The following RGS7 variants were observed in gnomAD, a reference collection of about 807,000 sequenced individuals.
RGS7 encodes the protein regulator of G protein signaling 7, also known as regulator of G-protein signaling 7.
A neutral mutation model predicts 81.1 loss-of-function variants in RGS7; 27 were observed. That is an observed-to-expected ratio of 0.33 (90% CI 0.25 to 0.46). RGS7 has a LOEUF of 0.46. RGS7 is among the 20% of genes least tolerant of loss of function. RGS7 has a pLI of 1.00. For missense variants in RGS7, 396 were observed against 607.4 expected, an observed-to-expected ratio of 0.65 and a Z score of 3.66; for synonymous variants, 208 against 207.7, an observed-to-expected ratio of 1.00 and a Z score of -0.01.
chr1:241,122,305 C>A (rs1405097914), intron 2 of RGS7, among the ~76,000 whole-genome samples: 1 of 152,124 alleles, frequency 6.6e-6, no homozygotes, highest in Admixed American at 6.5e-5. Context: ...ACCACAGATA[C>A]CACAGGGTTA....
intron 2 of RGS7, among the ~76,000 whole-genome samples, chr1:241,129,840 G>T (rs2066949294): frequency 1.3e-5 from 2 of 152,050 alleles, no homozygotes; most frequent in African/African-American, 4.8e-5. Context: ...AAAGCACGTG[G>T]GAGCATCTTA....
chr1:241,235,739 TTCTC>T (rs139518825), intron 2 of RGS7, among the ~76,000 whole-genome samples: 13 of 148,600 alleles, frequency 8.7e-5, no homozygotes, highest in South Asian at 4.3e-4. Context: ...TTCCTTCTCT[TTCTC>T]TCTCTCTCTC....
chr1:240,823,750 G>A (rs1357702975), intron 10 of RGS7, among the ~76,000 whole-genome samples: 2 of 152,062 alleles, frequency 1.3e-5, no homozygotes, highest in Admixed American at 6.5e-5. Context: ...TTTTGAACTC[G>A]CCAAGCCTCA....
At chr1:240,938,719 T>TA (rs1388549522) in intron 4 of RGS7, among the ~76,000 whole-genome samples, 3 of 152,188 alleles carry the variant, frequency 2.0e-5, no homozygotes, top group African/African-American at 7.2e-5. Context: ...GGAAGACTGT[T>TA]ACTAACTGCT....
chr1:241,315,962 A>AT (rs1168827758), intron 2 of RGS7, among the ~76,000 whole-genome samples: 2 of 152,056 alleles, frequency 1.3e-5, no homozygotes, highest in Admixed American at 6.6e-5. Flanking sequence ...TGACTGTGTG[A>AT]TTTTTTTCCT....
At chr1:240,931,902 T>C (rs1675503706) in intron 5 of RGS7, among the ~76,000 whole-genome samples, 1 of 152,174 alleles carries the variant, frequency 6.6e-6, no homozygotes, top group Non-Finnish European at 1.5e-5. Flanking sequence ...CGAAGAAACC[T>C]GATGATCACC....
chr1:241,300,070 A>G (rs113779781), intron 2 of RGS7, among the ~76,000 whole-genome samples: 3,140 of 151,768 alleles, frequency 0.021, 124 homozygotes, highest in African/African-American at 0.072. Context: ...AGCCGTGATC[A>G]CGCCACTGCA....
Position 241,014,440 on chromosome 1 carries a change from A to G in RGS7, c.176-31311T>C, listed in dbSNP as rs989738589. The stretch of plus-strand genomic sequence containing the variant: ...TAAAGGCCAAATTTTAAACATTAAT[A>G]GTTCAGACAGCACTTCACCAGTTTT... On this transcript the variant is annotated intron_variant, in intron 3 of 18. Transcript: ENST00000440928. 3.9e-5 allele frequency among the ~76,000 whole-genome samples: 6 copies of G among 152,264 alleles called. No individual in the cohort carries two copies. In the South Asian group the frequency reaches 1.2e-3, roughly 31 times the overall value.
At chr1:241,288,626 G>A (rs1488558109) in intron 2 of RGS7, among the ~76,000 whole-genome samples, 1 of 152,118 alleles carries the variant, frequency 6.6e-6, no homozygotes, top group Non-Finnish European at 1.5e-5. Context: ...CAGAGCCCAC[G>A]GTTATCTGTC....
intron 3 of RGS7, among the ~76,000 whole-genome samples, chr1:241,050,072 G>C (rs2061165481): frequency 6.6e-6 from 1 of 152,104 alleles, no homozygotes; most frequent in African/African-American, 2.4e-5. Flanking sequence ...CATAGCTAAG[G>C]GGCTGTGTCC....
intron 2 of RGS7, among the ~76,000 whole-genome samples, chr1:241,182,539 T>G: frequency 6.6e-6 from 1 of 152,184 alleles, no homozygotes. Flanking sequence ...GCTACTATTC[T>G]GACCTGGGTA....
At chr1:241,176,101 C>T in intron 2 of RGS7, among the ~76,000 whole-genome samples, 1 of 152,174 alleles carries the variant, frequency 6.6e-6, no homozygotes, top group East Asian at 1.9e-4. Flanking sequence ...CTTAAGTCAA[C>T]TGGCTAATCT....
intron 18 of RGS7, 73 bp from the exon 19 acceptor site, chr1:240,776,286 C>T: frequency 9.3e-7 from 1 of 1,076,610 alleles, no homozygotes. Context: ...TTAGTAGTAG[C>T]AACTATTTAC....
intron 15 of RGS7, among the ~76,000 whole-genome samples, chr1:240,803,910 T>C (rs2103061999): frequency 6.6e-6 from 1 of 152,222 alleles, no homozygotes; most frequent in African/African-American, 2.4e-5. Context: ...TCCAGTTCTC[T>C]GGTCTTAAAC....
intron 18 of RGS7, among the ~76,000 whole-genome samples, chr1:240,791,826 A>G (rs1686061660): frequency 6.6e-6 from 1 of 152,190 alleles, no homozygotes; most frequent in Non-Finnish European, 1.5e-5. Flanking sequence ...TTTTTCCTAG[A>G]TACTTAAAAC....
chr1:240,875,047 C>CA (rs1343381162), intron 6 of RGS7, among the ~76,000 whole-genome samples: 1 of 149,626 alleles, frequency 6.7e-6, no homozygotes, highest in Non-Finnish European at 1.5e-5. Context: ...CATCTCAAAA[C>CA]AAAAAACAAA....
chr1:240,861,709 G>A lies in RGS7; in HGVS notation c.609+6878C>T, dbSNP rs376359179. Among the ~76,000 whole-genome samples, 8 of 152,100 alleles carry A rather than the reference G, an allele frequency of 5.3e-5. No homozygotes were observed. The East Asian group carries it at 9.7e-4, about 18-fold the overall frequency. ...TTCCATGGGAATTCTCATTCCTAGG[G>A]TCACTAATCTTATTAATAATTTCAC... is the stretch of plus-strand genomic sequence containing the variant. On this transcript the variant is annotated intron_variant, in intron 9 of 18. Coordinates refer to ENST00000440928, the MANE Select transcript of RGS7 (RefSeq NM_001364886.1).
chr1:241,318,379 T>C (rs541128771), intron 2 of RGS7, among the ~76,000 whole-genome samples: 1 of 152,290 alleles, frequency 6.6e-6, no homozygotes, highest in African/African-American at 2.4e-5. Flanking sequence ...ATATTTGACA[T>C]CATTTTAAAG....
intron 2 of RGS7, among the ~76,000 whole-genome samples, chr1:241,287,577 A>G (rs187406586): frequency 1.3e-5 from 2 of 152,274 alleles, no homozygotes; most frequent in East Asian, 3.9e-4. Context: ...TGTCTTTATT[A>G]GCAGTGTGAA....
Sources: gnomAD v4.1 joint callset for allele counts (sites outside exome capture counted in the v4.1 genomes callset) on GRCh38, gnomAD v4.1.1 for gene constraint, MANE v1.5 for transcripts, NCBI Gene and HGNC (gene_info 2026-07-23, HGNC 2026-07-21) for gene names.